DGKB: variants seen among roughly 807,000 people sequenced by gnomAD.
DGKB encodes 90 kDa diacylglycerol kinase.
In DGKB, 67 loss-of-function variants were observed where a neutral mutation model predicts 114.3. The ratio of observed to expected loss-of-function variants is 0.59; its 90% CI spans 0.48 to 0.72. The LOEUF is 0.72. DGKB is among the 30% of genes least tolerant of loss of function. The probability of loss-of-function intolerance (pLI) is 0.00; values close to 1 mark genes in which losing one functional copy is unlikely to be tolerated. For synonymous variants in DGKB, 398 were observed against 323.1 expected, an observed-to-expected ratio of 1.23 and a Z score of -2.49; for missense variants, 907 against 975.2, an observed-to-expected ratio of 0.93 and a Z score of 0.93.
At chr7:14,660,519 A>G (rs921163291) in intron 13 of DGKB, among the ~76,000 whole-genome samples, 2 of 152,038 alleles carry the variant, frequency 1.3e-5, no homozygotes, top group Non-Finnish European at 2.9e-5. Flanking sequence ...AGGTGTTTGC[A>G]GTATTCTCTG....
intron 23 of DGKB, among the ~76,000 whole-genome samples, chr7:14,236,961 G>A (rs1391280057): frequency 6.6e-6 from 1 of 151,070 alleles, no homozygotes; most frequent in African/African-American, 2.4e-5. Flanking sequence ...TTAATTTCTT[G>A]GCAATGTGGT....
At chr7:14,856,823 T>C (rs16878288) in intron 1 of DGKB, among the ~76,000 whole-genome samples, 2,884 of 152,308 alleles carry the variant, frequency 0.019, 85 homozygotes, top group Admixed American at 0.082. Context: ...GGGTATGCTT[T>C]ATTATAGGCT....
At chr7:14,935,104 T>C (rs1785208644) in intron 1 of DGKB, among the ~76,000 whole-genome samples, 2 of 152,174 alleles carry the variant, frequency 1.3e-5, no homozygotes, top group African/African-American at 4.8e-5. Context: ...CTGGGGCCTG[T>C]CTCTTTATGT....
At chr7:14,931,109 A>G (rs1226171220) in intron 1 of DGKB, among the ~76,000 whole-genome samples, 1 of 147,410 alleles carries the variant, frequency 6.8e-6, no homozygotes, top group African/African-American at 2.5e-5. Context: ...TCAGTTTGCT[A>G]GTATTTTTTT....
chr7:14,841,156 A>G (rs1398283109), intron 2 of DGKB, 38 bp downstream of exon 2: 1 of 1,524,616 alleles, frequency 6.6e-7, no homozygotes, highest in Admixed American at 1.8e-5. Context: ...TCTAGCACAA[A>G]TGTCAAATAA....
intron 17 of DGKB, among the ~76,000 whole-genome samples, chr7:14,604,649 C>T (rs1054004386): frequency 6.6e-6 from 1 of 152,044 alleles, no homozygotes; most frequent in African/African-American, 2.4e-5. Context: ...CCTTATGAAA[C>T]AGAGCAACTT....
At chr7:14,462,985 A>G (rs1584131920) in intron 21 of DGKB, among the ~76,000 whole-genome samples, 1 of 152,290 alleles carries the variant, frequency 6.6e-6, no homozygotes, top group Middle Eastern at 3.4e-3. Flanking sequence ...AAAACAAGCA[A>G]TGGGGAAAGG....
chr7:14,499,014 G>T (rs762375567), intron 20 of DGKB, among the ~76,000 whole-genome samples: 7 of 151,642 alleles, frequency 4.6e-5, no homozygotes, highest in Non-Finnish European at 1.0e-4. Context: ...GGGAAGTTTA[G>T]TCCTCTGAAT....
intron 17 of DGKB, among the ~76,000 whole-genome samples, chr7:14,593,832 A>AC (rs1802091860): frequency 6.6e-6 from 1 of 151,546 alleles, no homozygotes; most frequent in Admixed American, 6.6e-5. Flanking sequence ...AAAAAAGAAA[A>AC]AAACAACACA....
chr7:14,176,230 G>T (rs1781722001), intron 25 of DGKB: 4 of 574,324 alleles, frequency 7.0e-6, no homozygotes, highest in African/African-American at 2.1e-5. Flanking sequence ...TCTACTCCCA[G>T]TGCCAAAAGC....
At chr7:14,282,520 G>A (rs1382835349) in intron 23 of DGKB, among the ~76,000 whole-genome samples, 8 of 151,966 alleles carry the variant, frequency 5.3e-5, no homozygotes, top group Non-Finnish European at 7.4e-5. Context: ...GATGAGGCCA[G>A]CATCATTCTG....
chr7:14,455,009 G>A (rs1438774064), intron 21 of DGKB, among the ~76,000 whole-genome samples: 1 of 152,102 alleles, frequency 6.6e-6, no homozygotes, highest in Non-Finnish European at 1.5e-5. Flanking sequence ...TAGAACCGAA[G>A]GTTTGTCTTT....
At chr7:14,902,181 A>ATCCC (rs1432508583) in intron 1 of DGKB, among the ~76,000 whole-genome samples, 3 of 152,202 alleles carry the variant, frequency 2.0e-5, no homozygotes, top group Non-Finnish European at 4.4e-5. Flanking sequence ...GATTAGGAAT[A>ATCCC]AATCTGGACT....
rs1423542015 is a variant in DGKB at position 14,648,939 on chromosome 7, T to G, written c.1135-18671A>C. On this transcript the variant is annotated intron_variant, in intron 13 of 25. Transcript: ENST00000402815. ...ATGAAATGAAGCGAGAAGGGAAGTT[T>G]AGAGAAAAAAGAATAAAAAGAAATG... 1.5e-3 allele frequency among the ~76,000 whole-genome samples: 167 copies of G among 108,626 alleles called. 5 individuals are homozygous for G. The highest frequency in any genetic ancestry group is 2.5e-3 in the Non-Finnish European group (132 of 51,822). The allele number at this position is 108,626 out of a possible 152,430, so 71.3% of individuals were successfully genotyped here.
intron 8 of DGKB, among the ~76,000 whole-genome samples, chr7:14,695,017 T>C (rs1823565915): frequency 6.6e-6 from 1 of 152,160 alleles, no homozygotes; most frequent in East Asian, 1.9e-4. Flanking sequence ...CTCACGTCTT[T>C]ATATAATACA....
At chr7:14,880,195 A>G (rs1854002634) in intron 1 of DGKB, among the ~76,000 whole-genome samples, 1 of 151,148 alleles carries the variant, frequency 6.6e-6, no homozygotes, top group Admixed American at 6.6e-5. Flanking sequence ...CTTTCAAAAT[A>G]AAATAAAAGT....
rs532246723 is a variant in DGKB, at chr7:14,374,861, C to G, written c.1836-29470G>C. ...CTACCCCCAACCTTGTCGTGACAAT[C>G]AAAAATGCCTCCAGATATTGCCGAA... On this transcript the variant is annotated intron_variant, in intron 21 of 25. Transcript: ENST00000402815. Among the ~76,000 whole-genome samples the G allele has an allele frequency of 8.5e-5, 13 of 152,268 alleles. No individual in the cohort carries two copies. In the East Asian group the frequency reaches 2.3e-3, roughly 27 times the overall value.
chr7:14,813,198 G>A (rs773505727), intron 2 of DGKB, among the ~76,000 whole-genome samples: 1 of 152,066 alleles, frequency 6.6e-6, no homozygotes, highest in South Asian at 2.1e-4. Context: ...TCTAACACTC[G>A]GCGTTCCTTG....
chr7:14,631,996 T>C (rs1809809888), intron 13 of DGKB, among the ~76,000 whole-genome samples: 1 of 151,890 alleles, frequency 6.6e-6, no homozygotes, highest in African/African-American at 2.4e-5. Context: ...CAGAGATGCC[T>C]TTTACCTTAG....
Sources: allele counts gnomAD v4.1 joint callset (sites outside exome capture counted in the v4.1 genomes callset), GRCh38; gene constraint gnomAD v4.1.1; transcripts MANE v1.5; gene names NCBI Gene and HGNC (gene_info 2026-07-23, HGNC 2026-07-21).